The following NCR1 variants were observed in gnomAD, a reference collection of about 807,000 sequenced individuals.
The protein encoded by NCR1 is natural cytotoxicity triggering receptor 1, also known as NK cell-activating receptor.
Under a neutral mutation model 32.5 loss-of-function variants are expected in NCR1, and 30 were observed. The ratio of observed to expected loss-of-function variants is 0.92; its 90% confidence interval spans 0.69 to 1.25. The LOEUF (loss-of-function observed/expected upper bound fraction) is 1.25. NCR1 is among the 50% of genes most tolerant of loss of function. The pLI is 0.00. For missense variants in NCR1, 369 were observed against 380.7 expected (o/e 0.97, Z 0.26); for synonymous variants, 169 against 143.4 (o/e 1.18, Z -1.28).
chr19:54,934,770 C>T, the NCR1 span: 400 of 859,674 alleles, frequency 4.7e-4, 1 homozygote, highest in East Asian at 1.3e-3. This position sits in a 1 kb window ranked among gnomAD's most constrained non-coding sequence, Gnocchi z 6.7. Flanking sequence ...AATGCAAAGG[C>T]GTGATCTCAC....
the NCR1 span, chr19:54,933,775 A>T: frequency 6.3e-7 from 1 of 1,591,190 alleles, no homozygotes; most frequent in Non-Finnish European, 8.6e-7. Context: ...GAAGGATGAG[A>T]ACATTTCCAC....
chr19:54,915,860 A>C (rs2068122150), downstream of NCR1: 1 of 147,274 alleles, frequency 6.8e-6, no homozygotes, highest in Non-Finnish European at 1.5e-5. Context: ...AAAAAAAAAA[A>C]CCACATAGGC....
chr19:54,936,624 C>A, the NCR1 span, among the ~76,000 whole-genome samples: 5 of 150,626 alleles, frequency 3.3e-5, no homozygotes, highest in Admixed American at 6.6e-5. Flanking sequence ...GAGTCTGAGA[C>A]CAACCTGGGC....
upstream of NCR1, among the ~76,000 whole-genome samples, chr19:54,903,669 ATAT>A (rs879498722): frequency 0.048 from 7,131 of 147,938 alleles, 231 homozygotes; most frequent in Admixed American, 0.094. Context: ...ATATGTATAC[ATAT>A]ATGTATAAAT....
In NCR1 at chr19:54,913,017, G is replaced by A. The variant is rs935889798; in HGVS notation, c.*146G>A. 2.7e-5 allele frequency: 19 copies of A among 707,996 alleles called. No homozygotes were observed. Among genetic ancestry groups the A allele is most frequent in the South Asian group, 6.4e-5 (3 of 47,192 alleles). The allele number at this position is 707,996 out of a possible 1,614,324, so 43.9% of individuals were successfully genotyped here. On this transcript the variant is annotated 3_prime_UTR_variant, in exon 7 of 7. Coordinates refer to ENST00000291890, the MANE Select transcript of NCR1 (RefSeq NM_004829.7). The stretch of plus-strand genomic sequence containing the variant: ...GGCATTCCATTTGTCAGAGCATCCC[G>A]GACGATGCAGAGGGTGGGAGAACTA...
chr19:54,936,492 T>G, the NCR1 span: 1 of 1,384,994 alleles, frequency 7.2e-7, no homozygotes, highest in Non-Finnish European at 1.0e-6. Context: ...TGTGGAGGCA[T>G]GTATAAACAA....
upstream of NCR1, among the ~76,000 whole-genome samples, chr19:54,901,461 C>T (rs2067300923): frequency 1.3e-5 from 2 of 151,092 alleles, no homozygotes; most frequent in South Asian, 4.2e-4. Context: ...TCAAACATGG[C>T]TTAGAGTCTG....
the NCR1 span, chr19:54,930,401 G>A: frequency 0.57 from 459,879 of 812,880 alleles, 132,608 homozygotes; most frequent in East Asian, 0.72. Flanking sequence ...GACCGAAGCC[G>A]CAGTGAGCCG....
chr19:54,900,580 G>A, the NCR1 span, among the ~76,000 whole-genome samples: 10 of 152,234 alleles, frequency 6.6e-5, no homozygotes, highest in South Asian at 4.2e-4. Flanking sequence ...GGCTTAGCTT[G>A]GGCTCAGAGG....
At chr19:54,909,053 C>G (rs1211739610) in intron 3 of NCR1, among the ~76,000 whole-genome samples, 192 bp from the exon 4 acceptor site, 1 of 151,530 alleles carries the variant, frequency 6.6e-6, no homozygotes, top group Non-Finnish European at 1.5e-5. Context: ...CCCTGTAGTC[C>G]CAGCTACTTG....
At chr19:54,919,042 C>T (rs899451344), downstream of NCR1, among the ~76,000 whole-genome samples, 5 of 151,736 alleles carry the variant, frequency 3.3e-5, no homozygotes, top group Non-Finnish European at 7.4e-5. Flanking sequence ...TAATGGCCTC[C>T]AGCTCCATCC....
At chr19:54,926,442 T>G in the NCR1 span, among the ~76,000 whole-genome samples, 1 of 151,992 alleles carries the variant, frequency 6.6e-6, no homozygotes, top group Non-Finnish European at 1.5e-5. Context: ...GTACACACAC[T>G]CCCAAAAAAA....
At chr19:54,925,480 C>A in the NCR1 span, among the ~76,000 whole-genome samples, 1 of 152,090 alleles carries the variant, frequency 6.6e-6, no homozygotes, top group Non-Finnish European at 1.5e-5. Flanking sequence ...AGTTTACATG[C>A]GTATCATCTC....
chr19:54,910,704 C>T lies in NCR1; in HGVS notation c.682+639C>T, dbSNP rs587737281. ...GCACTTAGATTCTAGCAGGAGGAGA[C>T]ACACCATCGGTCAACGTCAGGATAG... On this transcript the variant is annotated intron_variant, in intron 5 of 6. Transcript: ENST00000291890. 3.9e-4 allele frequency among the ~76,000 whole-genome samples: 59 copies of T among 152,224 alleles called. 1 individual carries two copies. The highest frequency in any genetic ancestry group is 7.9e-4 in the Non-Finnish European group (54 of 68,012).
chr19:54,904,490 C>G (rs1038023718), upstream of NCR1, among the ~76,000 whole-genome samples: 3 of 150,044 alleles, frequency 2.0e-5, no homozygotes, highest in African/African-American at 7.4e-5. Context: ...GTTTAGCGCT[C>G]TCACTTATAA....
chr19:54,915,545 G>T (rs764182692), downstream of NCR1, among the ~76,000 whole-genome samples: 39 of 152,084 alleles, frequency 2.6e-4, no homozygotes, highest in African/African-American at 9.4e-4. Context: ...TCAGCTACTC[G>T]GGAGGCTGAG....
chr19:54,903,336 GTATATACA>G (rs2067340915), upstream of NCR1, among the ~76,000 whole-genome samples: 2 of 114,750 alleles, frequency 1.7e-5, no homozygotes. Flanking sequence ...ATACATGTAT[GTATATACA>G]TATATGCATA....
chr19:54,908,295 G>A (rs778186304), intron 3 of NCR1, among the ~76,000 whole-genome samples: 47 of 152,076 alleles, frequency 3.1e-4, no homozygotes, highest in African/African-American at 1.0e-3. Context: ...CAGAGAGCAC[G>A]GGGTTGGGGG....
chr19:54,904,305 A>T (rs1300144022), upstream of NCR1, among the ~76,000 whole-genome samples: 2 of 151,928 alleles, frequency 1.3e-5, no homozygotes, highest in African/African-American at 4.8e-5. Flanking sequence ...TTATCCAAGC[A>T]TATGTATACT....
Sources: allele counts gnomAD v4.1 joint callset (sites outside exome capture counted in the v4.1 genomes callset), GRCh38; gene constraint gnomAD v4.1.1; non-coding constraint Gnocchi (gnomAD v3.1); transcripts MANE v1.5; gene names NCBI Gene and HGNC (gene_info 2026-07-23, HGNC 2026-07-21).